The following UNC5C variants were observed in gnomAD, a reference collection of about 807,000 sequenced individuals.
UNC5C encodes the protein unc-5 netrin receptor C.
Under a neutral mutation model 99.8 loss-of-function variants are expected in UNC5C, and 47 were observed. That is an observed-to-expected ratio of 0.47 (90% CI 0.37 to 0.60). The LOEUF is 0.60. Ranked by LOEUF, UNC5C falls within the 20% of genes least tolerant of loss-of-function variation. The pLI, the probability that UNC5C is intolerant of heterozygous loss-of-function variation, is 0.00. For missense variants in UNC5C, 1,062 were observed against 1,165.9 expected, an observed-to-expected ratio of 0.91 and a Z score of 1.30; for synonymous variants, 487 against 452.2, an observed-to-expected ratio of 1.08 and a Z score of -0.98.
At chr4:95,434,427 C>A (rs933268754) in intron 1 of UNC5C, among the ~76,000 whole-genome samples, 1 of 152,016 alleles carries the variant, frequency 6.6e-6, no homozygotes, top group Non-Finnish European at 1.5e-5. Flanking sequence ...GAAAAGTGTT[C>A]TGGAAACGCA....
chr4:95,219,867 T>C, intron 8 of UNC5C, 118 bp downstream of exon 8: 1 of 1,102,638 alleles, frequency 9.1e-7, no homozygotes, highest in South Asian at 1.7e-5. Context: ...CAAAATTAAC[T>C]CAAATTGCTG....
intron 4 of UNC5C, among the ~76,000 whole-genome samples, chr4:95,258,854 C>CG (rs1378996885): frequency 6.8e-6 from 1 of 146,798 alleles, no homozygotes; most frequent in Non-Finnish European, 1.5e-5. Context: ...CTCCGCTTCC[C>CG]GGGTTCACGC....
intron 1 of UNC5C, among the ~76,000 whole-genome samples, chr4:95,400,384 CTTTTTTTTTTTTTT>C (rs1171870515): frequency 7.6e-5 from 5 of 65,792 alleles, no homozygotes; most frequent in Non-Finnish European, 1.1e-4. Context: ...GAGATGAATT[CTTTTTTTTTTTTTT>C]TTTTTTTTTT....
At chr4:95,427,454 G>A (rs372542721) in intron 1 of UNC5C, among the ~76,000 whole-genome samples, 13 of 152,062 alleles carry the variant, frequency 8.5e-5, no homozygotes, top group African/African-American at 2.2e-4. Flanking sequence ...CAGTTGTTGC[G>A]GCAAACTTCA....
At chr4:95,389,392 A>T (rs1745294716) in intron 1 of UNC5C, among the ~76,000 whole-genome samples, 1 of 152,184 alleles carries the variant, frequency 6.6e-6, no homozygotes, top group Non-Finnish European at 1.5e-5. Context: ...GCACTAGTCA[A>T]TAAAATAAAA....
intron 14 of UNC5C, among the ~76,000 whole-genome samples, chr4:95,181,247 G>A (rs886615884): frequency 3.3e-5 from 5 of 152,166 alleles, no homozygotes; most frequent in Non-Finnish European, 7.3e-5. Flanking sequence ...GACTGACACC[G>A]TGTTGCAAAA....
chr4:95,247,562 A>C (rs1045133257), intron 5 of UNC5C, among the ~76,000 whole-genome samples: 2 of 152,192 alleles, frequency 1.3e-5, no homozygotes, highest in African/African-American at 4.8e-5. Flanking sequence ...TGAAGATCGT[A>C]GGTTTATCCC....
chr4:95,239,064 C>G (rs1411766736), intron 7 of UNC5C, among the ~76,000 whole-genome samples: 1 of 152,132 alleles, frequency 6.6e-6, no homozygotes. Context: ...ATTGCTGACT[C>G]TCCCTTACAG....
intron 14 of UNC5C, among the ~76,000 whole-genome samples, chr4:95,178,732 C>T (rs149154900): frequency 3.9e-5 from 6 of 152,280 alleles, no homozygotes; most frequent in South Asian, 2.1e-4. Context: ...CTTGGGAAGG[C>T]GTGCTCACAT....
At chr4:95,450,107 T>C (rs1034123893) in intron 1 of UNC5C, among the ~76,000 whole-genome samples, 2 of 152,212 alleles carry the variant, frequency 1.3e-5, no homozygotes, top group African/African-American at 4.8e-5. Context: ...CTATACATCA[T>C]TTCCCTTTGA....
chr4:95,212,538 T>C (rs1738108198), intron 10 of UNC5C, among the ~76,000 whole-genome samples: 1 of 152,112 alleles, frequency 6.6e-6, no homozygotes, highest in Non-Finnish European at 1.5e-5. Context: ...ATGTTCTATC[T>C]AGTTTCTCTC....
At chr4:95,306,262 G>A (rs1356518533) in intron 2 of UNC5C, among the ~76,000 whole-genome samples, 1 of 151,988 alleles carries the variant, frequency 6.6e-6, no homozygotes, top group Admixed American at 6.6e-5. Flanking sequence ...GAATGCAGTG[G>A]CGCGATCTTG....
intron 2 of UNC5C, among the ~76,000 whole-genome samples, chr4:95,318,954 C>T (rs1451017368): frequency 2.0e-5 from 3 of 152,150 alleles, no homozygotes; most frequent in East Asian, 1.9e-4. Context: ...AAAGCATACT[C>T]GTTTTCCCCC....
intron 4 of UNC5C, among the ~76,000 whole-genome samples, chr4:95,251,173 A>T (rs1277245953): frequency 1.3e-5 from 2 of 152,246 alleles, no homozygotes; most frequent in Non-Finnish European, 1.5e-5. Context: ...CTGTAATAAA[A>T]TAACATTTGG....
intron 4 of UNC5C, among the ~76,000 whole-genome samples, chr4:95,274,845 G>T (rs1740797191): frequency 6.6e-6 from 1 of 152,054 alleles, no homozygotes; most frequent in Non-Finnish European, 1.5e-5. Flanking sequence ...GGCCAACATA[G>T]TGAAACCCCG....
chr4:95,281,960 T>C (rs1456547481), intron 3 of UNC5C, among the ~76,000 whole-genome samples: 2 of 152,096 alleles, frequency 1.3e-5, no homozygotes, highest in African/African-American at 4.8e-5. Flanking sequence ...CTTAACAAAA[T>C]AAGTGCCTTC....
At chr4:95,427,668 C>T (rs1362603804) in intron 1 of UNC5C, among the ~76,000 whole-genome samples, 1 of 152,122 alleles carries the variant, frequency 6.6e-6, no homozygotes, top group Non-Finnish European at 1.5e-5. Flanking sequence ...TGCTACTGCA[C>T]ACATAATAGA....
At position 95,271,170 on chromosome 4, in the gene UNC5C, C is replaced by T. The variant is rs147251700; in HGVS notation, c.594+7089G>A. ...TGGGCACAGGTTAGGTCTTTGCCTG[C>T]TGCTGAATCTCTACTGAGATAGAGA... On this transcript the variant is annotated intron_variant, in intron 4 of 15. Transcript: ENST00000453304. Among the ~76,000 whole-genome samples the T allele has an allele frequency of 8.3e-3, 1,260 of 152,318 alleles. 11 individuals carry two copies. Among genetic ancestry groups the T allele is most frequent in the African/African-American group, 0.029 (1,190 of 41,584 alleles).
At position 95,242,479 on chromosome 4, in the gene UNC5C, T is replaced by C. The variant is rs1250589067; in HGVS notation, c.1058A>G (p.Asp353Gly). Reference sequence around the variant, plus strand: ...GTTCTTGGATTGCAAGACGAGGCCGTCGCAGTCCTTGCCTCCATTCTTGGG... The same window carrying C: ...GTTCTTGGATTGCAAGACGAGGCCGCCGCAGTCCTTGCCTCCATTCTTGGG... ...PAPKNGGKDC[D>G]GLVLQSKNCT... The change falls in exon 7 of 16, where the codon GAC becomes GGC. Residue 353 changes from aspartate (D) to glycine (G), a missense_variant. Physicochemically the swap from Asp to Gly is moderately conservative, Grantham distance 94. Coordinates refer to ENST00000453304, the MANE Select transcript of UNC5C (RefSeq NM_003728.4). 2 of 1,614,052 alleles carry C rather than the reference T, an allele frequency of 1.2e-6. No homozygotes were observed. The highest frequency in any genetic ancestry group is 1.7e-6 in the Non-Finnish European group (2 of 1,179,948).
Sources: gnomAD v4.1 joint callset for allele counts (sites outside exome capture counted in the v4.1 genomes callset) on GRCh38, gnomAD v4.1.1 for gene constraint, MANE v1.5 for transcripts, NCBI Gene and HGNC (gene_info 2026-07-23, HGNC 2026-07-21) for gene names.